PTPRG: variants seen among roughly 807,000 people sequenced by gnomAD.
PTPRG encodes the protein receptor-type tyrosine-protein phosphatase gamma.
A neutral mutation model predicts 165.3 loss-of-function variants in PTPRG; 102 were observed. That is an observed-to-expected ratio of 0.62 (90% CI 0.53 to 0.73). The LOEUF (loss-of-function observed/expected upper bound fraction) is 0.73, where lower values mean the gene tolerates loss of function less well. Ranked by LOEUF, PTPRG falls within the 30% of genes least tolerant of loss-of-function variation. PTPRG has a pLI of 0.00. For missense variants in PTPRG, 1,866 were observed against 1,861.4 expected, an observed-to-expected ratio of 1.00 and a Z score of -0.05; for synonymous variants, 675 against 669.5, an observed-to-expected ratio of 1.01 and a Z score of -0.13.
intron 4 of PTPRG, among the ~76,000 whole-genome samples, chr3:62,012,005 ACCGTGGTGG>A (rs1204926227): frequency 6.6e-6 from 1 of 151,712 alleles, no homozygotes; most frequent in Non-Finnish European, 1.5e-5. Context: ...AAACTTGGTG[ACCGTGGTGG>A]CCCTCACAAC....
At chr3:61,988,868 T>C (rs1426040509) in intron 2 of PTPRG, among the ~76,000 whole-genome samples, 1 of 152,224 alleles carries the variant, frequency 6.6e-6, no homozygotes, top group Non-Finnish European at 1.5e-5. Flanking sequence ...TGCAGTGTGT[T>C]TTCTGTATTT....
intron 13 of PTPRG, among the ~76,000 whole-genome samples, chr3:62,225,238 G>A (rs1700735022): frequency 6.6e-6 from 1 of 152,230 alleles, no homozygotes; most frequent in Non-Finnish European, 1.5e-5. Flanking sequence ...AAGACAAGCT[G>A]TTTTTATGGC....
At chr3:62,017,448 C>T (rs1263427912) in intron 4 of PTPRG, among the ~76,000 whole-genome samples, 1 of 150,232 alleles carries the variant, frequency 6.7e-6, no homozygotes, top group African/African-American at 2.5e-5. Context: ...CGGAGTCTCG[C>T]TCTTTCGCCC....
intron 1 of PTPRG, among the ~76,000 whole-genome samples, chr3:61,639,472 T>C (rs567355200): frequency 6.6e-6 from 1 of 152,320 alleles, no homozygotes. Flanking sequence ...TTGATAGGAA[T>C]AGTGTTAAAT....
intron 4 of PTPRG, among the ~76,000 whole-genome samples, chr3:62,014,001 C>T (rs1175373079): frequency 1.3e-5 from 2 of 152,108 alleles, no homozygotes; most frequent in African/African-American, 4.8e-5. Flanking sequence ...ATTTATGGGC[C>T]TGTGTATCAG....
At chr3:61,972,764 C>T (rs572574080) in intron 2 of PTPRG, among the ~76,000 whole-genome samples, 12 of 151,590 alleles carry the variant, frequency 7.9e-5, no homozygotes, top group Admixed American at 2.6e-4. Flanking sequence ...GTGATACTCA[C>T]ACCTTAGACT....
intron 26 of PTPRG, 86 bp from the exon 27 acceptor site, chr3:62,281,477 G>A (rs1319847213): frequency 8.2e-7 from 1 of 1,226,078 alleles, no homozygotes; most frequent in Non-Finnish European, 1.1e-6. Context: ...TGAGAGGGAT[G>A]GGAAATGACA....
At chr3:61,947,780 T>G (rs1373007621) in intron 2 of PTPRG, among the ~76,000 whole-genome samples, 7 of 152,194 alleles carry the variant, frequency 4.6e-5, no homozygotes, top group Admixed American at 4.6e-4. Context: ...TCCCTAAAAT[T>G]TCTTGCAAAA....
At chr3:61,773,284 A>G (rs2034267714) in intron 2 of PTPRG, among the ~76,000 whole-genome samples, 2 of 152,210 alleles carry the variant, frequency 1.3e-5, no homozygotes, top group Admixed American at 1.3e-4. Context: ...AATTTAGAAG[A>G]TGAAATTTTA....
At chr3:61,816,701 G>A (rs1341057839) in intron 2 of PTPRG, among the ~76,000 whole-genome samples, 5 of 151,958 alleles carry the variant, frequency 3.3e-5, no homozygotes, top group Non-Finnish European at 7.4e-5. Flanking sequence ...AAAATGAATT[G>A]AGGAGGCACA....
chr3:61,631,290 C>T (rs1701768944), intron 1 of PTPRG, among the ~76,000 whole-genome samples: 1 of 152,130 alleles, frequency 6.6e-6, no homozygotes, highest in African/African-American at 2.4e-5. Flanking sequence ...GTAGTCCACC[C>T]TTATCTGCGG....
intron 2 of PTPRG, among the ~76,000 whole-genome samples, chr3:61,885,140 G>A (rs1258627231): frequency 6.6e-6 from 1 of 151,896 alleles, no homozygotes; most frequent in Non-Finnish European, 1.5e-5. Context: ...AGGTGTAGAG[G>A]TGAGGTTTTT....
At chr3:62,062,029 G>T (rs1245278972) in intron 4 of PTPRG, among the ~76,000 whole-genome samples, 2 of 151,996 alleles carry the variant, frequency 1.3e-5, no homozygotes, top group Non-Finnish European at 2.9e-5. Flanking sequence ...GGCGGGCGTG[G>T]TGGCTCACGC....
At chr3:62,283,075 T>A (rs1319763330) in intron 28 of PTPRG, among the ~76,000 whole-genome samples, 4 of 152,124 alleles carry the variant, frequency 2.6e-5, no homozygotes, top group Admixed American at 1.3e-4. Context: ...AGACTCCAGG[T>A]TCTTCTAGAG....
At chr3:61,792,668 T>TTTTCTTTCTTTCTTTCTTTCTTTC (rs199609616) in intron 2 of PTPRG, among the ~76,000 whole-genome samples, 2 of 118,152 alleles carry the variant, frequency 1.7e-5, no homozygotes. Flanking sequence ...TTTTTGTGGG[T>TTTTCTTTCTTTCTTTCTTTCTTTC]TTTCTTTCTT....
In PTPRG at chr3:62,210,141, A is replaced by G. The variant is rs553753958; in HGVS notation, c.2155+6191A>G. 5.3e-4 allele frequency among the ~76,000 whole-genome samples: 80 copies of G among 152,290 alleles called. No individual in the cohort carries two copies. Among genetic ancestry groups the G allele is most frequent in the African/African-American group, 1.9e-3 (79 of 41,566 alleles). On this transcript the variant is annotated intron_variant, in intron 12 of 29. Transcript: ENST00000474889. This position sits in a 1 kb window ranked among gnomAD's most constrained non-coding sequence, Gnocchi z 4.1. ...GTCTGGTGAATTAAGCTCTGCATGA[A>G]ATGGTAAGGGAGCACTTATTCACAG...
chr3:61,650,313 AC>A (rs1163871470), intron 1 of PTPRG, among the ~76,000 whole-genome samples: 2 of 152,208 alleles, frequency 1.3e-5, no homozygotes, highest in African/African-American at 4.8e-5. Context: ...TACAGAATCT[AC>A]CATTGCCACT....
At chr3:61,974,167 C>A (rs990232831) in intron 2 of PTPRG, among the ~76,000 whole-genome samples, 4 of 152,144 alleles carry the variant, frequency 2.6e-5, no homozygotes, top group Middle Eastern at 6.8e-3. Context: ...TCTTTTGATA[C>A]CTTAAATAGG....
At chr3:61,840,161 T>G (rs531684727) in intron 2 of PTPRG, among the ~76,000 whole-genome samples, 1 of 152,346 alleles carries the variant, frequency 6.6e-6, no homozygotes, top group East Asian at 1.9e-4. Context: ...GCACTTGTAA[T>G]GTCTAAATCA....
Sources: gnomAD v4.1 joint callset for allele counts (sites outside exome capture counted in the v4.1 genomes callset) on GRCh38, gnomAD v4.1.1 for gene constraint, Gnocchi (gnomAD v3.1) non-coding constraint, MANE v1.5 for transcripts, NCBI Gene and HGNC (gene_info 2026-07-23, HGNC 2026-07-21) for gene names.